The following INSR variants were observed in gnomAD, a reference collection of about 807,000 sequenced individuals.
INSR encodes the protein IR.
Under a neutral mutation model 142.6 loss-of-function variants are expected in INSR, and 67 were observed. The observed-to-expected ratio is 0.47, with a 90% CI of 0.39 to 0.58. The LOEUF (loss-of-function observed/expected upper bound fraction) is 0.58. Among genes scored for constraint, INSR ranks in the 20% least tolerant of loss-of-function variants. The pLI is 0.00. For synonymous variants in INSR, 756 were observed against 743.1 expected, an observed-to-expected ratio of 1.02 and a Z score of -0.28; for missense variants, 1,248 against 1,833.2, an observed-to-expected ratio of 0.68 and a Z score of 5.83.
chr19:7,184,691 T>TAAAC, intron 2 of INSR, 54 bp from the exon 3 acceptor site: 1 of 1,134,522 alleles, frequency 8.8e-7, no homozygotes, highest in Non-Finnish European at 1.2e-6. Flanking sequence ...AATAAATAAA[T>TAAAC]AAATAAATAA....
intron 2 of INSR, among the ~76,000 whole-genome samples, chr19:7,197,010 C>G (rs1441527205): frequency 6.6e-6 from 1 of 152,158 alleles, no homozygotes; most frequent in Non-Finnish European, 1.5e-5. Flanking sequence ...TTCGAGTCCC[C>G]GGAGCCAAAT....
At chr19:7,233,418 G>C (rs1464058234) in intron 2 of INSR, among the ~76,000 whole-genome samples, 1 of 152,188 alleles carries the variant, frequency 6.6e-6, no homozygotes, top group African/African-American at 2.4e-5. Context: ...GTACTATGCT[G>C]TGTGGCCTGG....
chr19:7,124,103 C>T lies in INSR; in HGVS notation c.3259-1114G>A, dbSNP rs561616890. On this transcript the variant is annotated intron_variant, in intron 17 of 21. Coordinates refer to ENST00000302850, the MANE Select transcript of INSR (RefSeq NM_000208.4). Reference sequence around the variant, plus strand: ...CAGGCACTGGGCGTGGTGGCTCACGCCTGTAATCCCAGCACTTTGGGAGGC... The same window carrying T: ...CAGGCACTGGGCGTGGTGGCTCACGTCTGTAATCCCAGCACTTTGGGAGGC... Among the ~76,000 whole-genome samples, 4 of 152,034 alleles carry T rather than the reference C, an allele frequency of 2.6e-5. No individual in the cohort carries two copies. The East Asian group carries it at 7.8e-4, about 30-fold the overall frequency.
At chr19:7,201,664 A>ATTATTT (rs1568483469) in intron 2 of INSR, among the ~76,000 whole-genome samples, 1 of 102,148 alleles carries the variant, frequency 9.8e-6, no homozygotes, top group African/African-American at 4.8e-5. Context: ...ATCTATTTTC[A>ATTATTT]TTCTTTTTTT....
chr19:7,178,190 C>A (rs924903397), intron 3 of INSR, among the ~76,000 whole-genome samples: 4 of 132,136 alleles, frequency 3.0e-5, no homozygotes, highest in African/African-American at 1.2e-4. Context: ...TTGGAACTTT[C>A]TGAGTCACAG....
rs567363379 is a variant in INSR, at chr19:7,292,323, C to T, written c.100+1469G>A. Among the ~76,000 whole-genome samples, 1,008 of 152,106 alleles carry T rather than the reference C, an allele frequency of 6.6e-3. 18 individuals carry two copies. The highest frequency in any genetic ancestry group is 0.024 in the African/African-American group (976 of 41,524). On this transcript the variant is annotated intron_variant, in intron 1 of 21. Coordinates refer to ENST00000302850, the MANE Select transcript of INSR (RefSeq NM_000208.4). ...GCCAGGATGGTCTCCATCTCCTGAC[C>T]TCGTGATCCGCCCGCCTCAGCCTCC...
intron 2 of INSR, among the ~76,000 whole-genome samples, chr19:7,196,743 A>C (rs930465525): frequency 2.6e-5 from 4 of 151,792 alleles, no homozygotes; most frequent in African/African-American, 9.7e-5. Context: ...AAGTTTAAAA[A>C]AAACTTAAAA....
At chr19:7,121,821 A>T (rs1230583427) in intron 19 of INSR, among the ~76,000 whole-genome samples, 1 of 152,234 alleles carries the variant, frequency 6.6e-6, no homozygotes, top group African/African-American at 2.4e-5. Flanking sequence ...CATGCAATTA[A>T]ATGACAGCTG....
intron 1 of INSR, among the ~76,000 whole-genome samples, 155 bp from the exon 2 acceptor site, chr19:7,268,051 T>C (rs1681047798): frequency 6.6e-6 from 1 of 151,980 alleles, no homozygotes; most frequent in Admixed American, 6.6e-5. Context: ...CCGGGATGAG[T>C]AGCTTTCTCT....
intron 2 of INSR, among the ~76,000 whole-genome samples, chr19:7,206,432 G>A (rs527637860): frequency 1.3e-5 from 2 of 152,272 alleles, no homozygotes; most frequent in South Asian, 2.1e-4. Context: ...AGCAGTGGAC[G>A]AGGGGCGGGC....
Position 7,116,901 on chromosome 19 carries a change from G to A in INSR, c.*155C>T, listed in dbSNP as rs1028786427. ...GGACTAGTTAAATTGGTAACCAAAC[G>A]AGTCCACCTTAAGATGAACAGAAAT... On this transcript the variant is annotated 3_prime_UTR_variant, in exon 22 of 22. Transcript: ENST00000302850. 4.4e-6 allele frequency: 3 copies of A among 689,514 alleles called. No individual in the cohort carries two copies. The highest frequency in any genetic ancestry group is 2.3e-5 in the Admixed American group (1 of 43,562). The allele number at this position is 689,514 out of a possible 1,614,324, so 42.7% of individuals were successfully genotyped here.
At chr19:7,262,610 G>A (rs896053872) in intron 2 of INSR, among the ~76,000 whole-genome samples, 4 of 152,206 alleles carry the variant, frequency 2.6e-5, no homozygotes, top group African/African-American at 9.6e-5. Context: ...GCCCGTAGAT[G>A]GATGAATACA....
At chr19:7,261,909 T>C (rs1327961238) in intron 2 of INSR, among the ~76,000 whole-genome samples, 1 of 152,184 alleles carries the variant, frequency 6.6e-6, no homozygotes, top group Non-Finnish European at 1.5e-5. Flanking sequence ...GGGTGGATGT[T>C]GCTCGGAATT....
rs3833238 is a variant in INSR, at chr19:7,115,639, GT to G, written c.*1416del. 37,305 of 152,022 alleles carry G rather than the reference GT, an allele frequency of 0.25. 5,021 individuals carry two copies. Among genetic ancestry groups the G allele is most frequent in the East Asian group, 0.45 (2,344 of 5,168 alleles). The allele number at this position is 152,022 out of a possible 1,614,324, so 9.4% of individuals were successfully genotyped here. ...ACGTTCTTGGGTTTGCACAATAACG[GT>G]TAGGATGTTCACACCCGGGAGAGGA... is the stretch of plus-strand genomic sequence containing the variant. On this transcript the variant is annotated 3_prime_UTR_variant, in exon 22 of 22. Transcript: ENST00000302850.
At position 7,166,682 on chromosome 19, in the gene INSR, G is replaced by A. The variant is rs936236421; in HGVS notation, c.1611-278C>T. Among the ~76,000 whole-genome samples the A allele has an allele frequency of 1.3e-5, 2 of 152,196 alleles. No individual in the cohort carries two copies. Among genetic ancestry groups the A allele is most frequent in the African/African-American group, 4.8e-5 (2 of 41,452 alleles). On this transcript the variant is annotated intron_variant, in intron 7 of 21. Transcript: ENST00000302850. This position sits in a 1 kb window ranked among gnomAD's most constrained non-coding sequence, Gnocchi z 4.1. ...CGCCTGTAATCCCAGCACTTTGGGA[G>A]GCCGAGAATGGCGGATCACCAGAAG...
At chr19:7,153,498 A>ACTACATG (rs1282793264) in intron 9 of INSR, among the ~76,000 whole-genome samples, 14 of 115,842 alleles carry the variant, frequency 1.2e-4, no homozygotes, top group South Asian at 2.7e-4. Flanking sequence ...CCACACACAC[A>ACTACATG]CACAGTGAAG....
At chr19:7,268,166 G>A (rs75298164) in intron 1 of INSR, among the ~76,000 whole-genome samples, 6 of 152,140 alleles carry the variant, frequency 3.9e-5, no homozygotes, top group Admixed American at 2.6e-4. Context: ...AAATGATGCA[G>A]TCGGGACAAT....
At chr19:7,284,254 G>A (rs1968285940) in intron 1 of INSR, among the ~76,000 whole-genome samples, 1 of 151,804 alleles carries the variant, frequency 6.6e-6, no homozygotes, top group Non-Finnish European at 1.5e-5. Flanking sequence ...TAGTAGAGAT[G>A]GGGTTTCACC....
chr19:7,130,788 CTTCT>C (rs555888787), intron 14 of INSR, among the ~76,000 whole-genome samples: 150 of 151,968 alleles, frequency 9.9e-4, no homozygotes, highest in African/African-American at 3.4e-3. Flanking sequence ...TCTCTCTTCT[CTTCT>C]TTCTTTTTCT....
Sources: gnomAD v4.1 joint callset for allele counts (sites outside exome capture counted in the v4.1 genomes callset) on GRCh38, gnomAD v4.1.1 for gene constraint, Gnocchi (gnomAD v3.1) non-coding constraint, MANE v1.5 for transcripts, NCBI Gene and HGNC (gene_info 2026-07-23, HGNC 2026-07-21) for gene names.